INO80: variants seen among roughly 807,000 people sequenced by gnomAD.
INO80 encodes the protein chromatin-remodeling ATPase INO80.
INO80 carries 20 observed loss-of-function variants against 203.4 expected under a neutral mutation model. The observed-to-expected ratio is 0.10, with a 90% CI of 0.07 to 0.14. The LOEUF (loss-of-function observed/expected upper bound fraction) is 0.14, where lower values mean the gene tolerates loss of function less well. INO80 is among the 10% of genes least tolerant of loss of function. The pLI is 1.00. For missense variants in INO80, 1,419 were observed against 1,914.4 expected (o/e 0.74, Z 4.83); for synonymous variants, 726 against 685.2 (o/e 1.06, Z -0.93).
At chr15:41,027,907 G>A (rs2044400644) in intron 24 of INO80, 171 bp from the exon 25 acceptor site, 1 of 428,754 alleles carries the variant, frequency 2.3e-6, no homozygotes, top group Non-Finnish European at 4.1e-6. Context: ...TACAGTTGAA[G>A]CCCATGTTAA....
chr15:41,040,427 T>C (rs1366374503), intron 24 of INO80, among the ~76,000 whole-genome samples: 2 of 152,164 alleles, frequency 1.3e-5, no homozygotes, highest in Non-Finnish European at 1.5e-5. Context: ...CCAACACATA[T>C]ATAGACACCT....
intron 29 of INO80, among the ~76,000 whole-genome samples, chr15:40,994,965 C>T (rs1280084352): frequency 6.6e-6 from 1 of 152,146 alleles, no homozygotes; most frequent in Non-Finnish European, 1.5e-5. Context: ...AAGTGATTCT[C>T]CTGCCTCAGC....
rs185581233 is a variant in INO80 at position 41,043,015 on chromosome 15, G to A, written c.2907+1889C>T. On this transcript the variant is annotated intron_variant, in intron 24 of 35. Transcript: ENST00000648947. ...AAATATAAGTGAATCTTTCAACTGCGTAAACATATTTTATGACCAGTTTCC... is the reference window on the plus strand; with the variant it reads ...AAATATAAGTGAATCTTTCAACTGCATAAACATATTTTATGACCAGTTTCC... 2.8e-3 allele frequency among the ~76,000 whole-genome samples: 422 copies of A among 152,254 alleles called. 4 individuals carry two copies. The highest frequency in any genetic ancestry group is 0.013 in the South Asian group (62 of 4,832).
intron 25 of INO80, chr15:41,023,326 T>C (rs1198287166): frequency 2.0e-5 from 9 of 455,848 alleles, no homozygotes; most frequent in Non-Finnish European, 3.5e-5. Context: ...ACATCTCCCA[T>C]GTAGGATGTG....
chr15:41,055,460 G>GTT, intron 17 of INO80, 96 bp from the exon 18 acceptor site: 2 of 616,610 alleles, frequency 3.2e-6, no homozygotes, highest in Non-Finnish European at 5.4e-6. Context: ...GTATTAGTGT[G>GTT]TAAGTGCCTA....
chr15:40,989,811 GC>G (rs2043793011), intron 29 of INO80, among the ~76,000 whole-genome samples: 1 of 152,146 alleles, frequency 6.6e-6, no homozygotes, highest in Non-Finnish European at 1.5e-5. Flanking sequence ...ACACAAATAT[GC>G]CCTTTCCCTT....
chr15:41,004,183 G>A (rs187573205), intron 28 of INO80, among the ~76,000 whole-genome samples: 2 of 152,294 alleles, frequency 1.3e-5, no homozygotes, highest in East Asian at 1.9e-4. Context: ...ACAGCTGCAC[G>A]AGGGTAACAA....
At chr15:41,047,063 G>A (rs1049591682) in intron 23 of INO80, among the ~76,000 whole-genome samples, 1 of 151,750 alleles carries the variant, frequency 6.6e-6, no homozygotes, top group Non-Finnish European at 1.5e-5. Flanking sequence ...CACTTCCCAG[G>A]TTCAAGCAAT....
At chr15:41,001,157 G>A (rs1209992050) in intron 28 of INO80, among the ~76,000 whole-genome samples, 1 of 152,190 alleles carries the variant, frequency 6.6e-6, no homozygotes, top group Non-Finnish European at 1.5e-5. Context: ...TAGGGGCTCT[G>A]ACTAAACAGG....
intron 23 of INO80, among the ~76,000 whole-genome samples, chr15:41,045,516 A>C (rs1434244851): frequency 1.3e-5 from 2 of 149,050 alleles, no homozygotes; most frequent in African/African-American, 5.1e-5. Flanking sequence ...TGGGAGATGG[A>C]GATTGCAGTG....
At chr15:41,065,528 T>C (rs1465256184) in intron 14 of INO80, among the ~76,000 whole-genome samples, 1 of 152,136 alleles carries the variant, frequency 6.6e-6, no homozygotes, top group African/African-American at 2.4e-5. Flanking sequence ...CATAGGTACA[T>C]ACCCAAAAGA....
chr15:41,112,551 T>C (rs2045971854), intron 1 of INO80, among the ~76,000 whole-genome samples: 1 of 151,950 alleles, frequency 6.6e-6, no homozygotes. Context: ...CACTTTGGGA[T>C]GCCAAGGCAG....
chr15:41,000,042 G>C (rs1365203471), intron 28 of INO80, among the ~76,000 whole-genome samples: 6 of 152,178 alleles, frequency 3.9e-5, no homozygotes, highest in Admixed American at 6.5e-5. Context: ...GATACAGTGA[G>C]CTATATATCA....
At chr15:41,006,948 T>G (rs937600681) in intron 27 of INO80, among the ~76,000 whole-genome samples, 1 of 151,880 alleles carries the variant, frequency 6.6e-6, no homozygotes, top group Non-Finnish European at 1.5e-5. Context: ...GGCAGAAGGG[T>G]AGGGGGCGTT....
chr15:41,079,586 A>C (rs536565548), intron 9 of INO80, 115 bp downstream of exon 9: 38 of 1,030,964 alleles, frequency 3.7e-5, no homozygotes, highest in Admixed American at 1.0e-4. Flanking sequence ...AAAAAAAAAA[A>C]AAAACAAAAA....
At chr15:40,997,718 T>C (rs2043898149) in intron 28 of INO80, 117 bp from the exon 29 acceptor site, 2 of 692,832 alleles carry the variant, frequency 2.9e-6, no homozygotes, top group South Asian at 3.0e-5. Context: ...AGAGTTTTGG[T>C]GGTTACCTAG....
At chr15:41,020,119 G>A (rs1596264483) in intron 26 of INO80, among the ~76,000 whole-genome samples, 1 of 152,242 alleles carries the variant, frequency 6.6e-6, no homozygotes, top group East Asian at 1.9e-4. Flanking sequence ...TACTTGGAAG[G>A]CTGAGGCAGG....
At chr15:41,037,511 A>C (rs1009318250) in intron 24 of INO80, among the ~76,000 whole-genome samples, 2 of 152,210 alleles carry the variant, frequency 1.3e-5, no homozygotes, top group Admixed American at 1.3e-4. Flanking sequence ...CTCCAAAAAA[A>C]TTAATTAATT....
chr15:41,030,435 T>C (rs2044441365), intron 24 of INO80, among the ~76,000 whole-genome samples: 1 of 152,184 alleles, frequency 6.6e-6, no homozygotes, highest in Non-Finnish European at 1.5e-5. Context: ...CGATCTCGGC[T>C]CACTGTAACC....
Sources: allele counts gnomAD v4.1 joint callset (sites outside exome capture counted in the v4.1 genomes callset), GRCh38; gene constraint gnomAD v4.1.1; transcripts MANE v1.5; gene names NCBI Gene and HGNC (gene_info 2026-07-23, HGNC 2026-07-21).